Variants in SDAD1 observed in about 807,000 individuals in gnomAD.
The protein encoded by SDAD1 is protein SDA1 homolog.
In SDAD1, 79 loss-of-function variants were observed where a neutral mutation model predicts 100.3. That is an observed-to-expected ratio of 0.79 (90% CI 0.66 to 0.95). The LOEUF (loss-of-function observed/expected upper bound fraction) is 0.95, where lower values mean the gene tolerates loss of function less well. SDAD1 is among the 40% of genes least tolerant of loss of function. The probability of loss-of-function intolerance (pLI) is 0.00; values close to 1 mark genes in which losing one functional copy is unlikely to be tolerated. For missense variants in SDAD1, 790 were observed against 810.9 expected (o/e 0.97, Z 0.31); for synonymous variants, 267 against 271.4 (o/e 0.98, Z 0.16).
In SDAD1 at chr4:75,990,883, A is replaced by T. The variant is rs780257445; in HGVS notation, c.-42T>A. ...CTTCGCGGCGAGCAGTTTTAAAAAA[A>T]CTCAGACGGCCGGCACCCCGCAATC... is the stretch of plus-strand genomic sequence containing the variant. On this transcript the variant is annotated 5_prime_UTR_variant, in exon 1 of 22. Transcript: ENST00000356260. The T allele has an allele frequency of 1.9e-6, 3 of 1,613,052 alleles. No homozygotes were observed. The highest frequency in any genetic ancestry group is 8.5e-7 in the Non-Finnish European group (1 of 1,179,622).
intron 21 of SDAD1, among the ~76,000 whole-genome samples, chr4:75,951,172 C>A (rs1295929777): frequency 6.6e-6 from 1 of 152,100 alleles, no homozygotes; most frequent in Non-Finnish European, 1.5e-5. Flanking sequence ...TTAAAAGTAA[C>A]AGGAAAACAG....
intron 10 of SDAD1, among the ~76,000 whole-genome samples, chr4:75,969,841 C>A (rs1251004836): frequency 8.5e-5 from 13 of 152,140 alleles, no homozygotes; most frequent in African/African-American, 2.9e-4. Context: ...ACACCCCATA[C>A]CAACTAAATT....
At chr4:75,970,124 C>A (rs566193170) in intron 10 of SDAD1, among the ~76,000 whole-genome samples, 185 bp downstream of exon 10, 56 of 152,030 alleles carry the variant, frequency 3.7e-4, no homozygotes, top group African/African-American at 1.3e-3. Context: ...TCTTGTTCTG[C>A]GATAGACTGG....
chr4:75,968,463 T>C (rs534187811), intron 11 of SDAD1, among the ~76,000 whole-genome samples: 40 of 152,320 alleles, frequency 2.6e-4, no homozygotes, highest in Non-Finnish European at 3.5e-4. Flanking sequence ...AAAACCTTAA[T>C]GGTCATTTCT....
intron 14 of SDAD1, among the ~76,000 whole-genome samples, chr4:75,963,286 T>TACCAG (rs1553918463): frequency 1.7e-4 from 26 of 151,816 alleles, no homozygotes; most frequent in African/African-American, 3.4e-4. Flanking sequence ...GCTGTTTTGG[T>TACCAG]TACTGTAGCC....
intron 1 of SDAD1, among the ~76,000 whole-genome samples, chr4:75,984,970 A>C (rs1435373636): frequency 2.0e-5 from 3 of 152,140 alleles, no homozygotes; most frequent in Non-Finnish European, 2.9e-5. Flanking sequence ...GGCTTTTTCT[A>C]AGAACAGAAG....
rs1560536815 is a variant in SDAD1 at position 75,957,874 on chromosome 4, G to GTGT, written c.1548_1550dup (p.Gln516dup). ...TTTCTTGCTGTTCTTCATCGGAAGA[G>GTGT]TGTTGCACATCAATCCATTCACCAT... is the stretch of plus-strand genomic sequence containing the variant. On this transcript the variant is annotated inframe_insertion, in exon 18 of 22. Coordinates refer to ENST00000356260, the MANE Select transcript of SDAD1 (RefSeq NM_018115.4). The GTGT allele has an allele frequency of 6.2e-7, 1 of 1,613,866 alleles. No individual in the cohort carries two copies. Among genetic ancestry groups the GTGT allele is most frequent in the South Asian group, 1.1e-5 (1 of 91,066 alleles).
chr4:75,976,659 C>T lies in SDAD1; in HGVS notation c.406-664G>A, dbSNP rs376332575. On this transcript the variant is annotated intron_variant, in intron 4 of 21. Coordinates refer to ENST00000356260, the MANE Select transcript of SDAD1 (RefSeq NM_018115.4). ...ATTGTTTGCAGTGATGGTTGTACCA[C>T]GCTGTGAATACACTAAAAAACACTG... Among the ~76,000 whole-genome samples, 75 of 152,156 alleles carry T rather than the reference C, an allele frequency of 4.9e-4. 1 individual carries two copies. Among genetic ancestry groups the T allele is most frequent in the Admixed American group, 3.3e-3 (51 of 15,290 alleles).
At chr4:75,973,248 A>G in intron 8 of SDAD1, 69 bp downstream of exon 8, 1 of 1,278,242 alleles carries the variant, frequency 7.8e-7, no homozygotes, top group South Asian at 1.2e-5. Context: ...CAGCAGTCAT[A>G]GACTTTACAA....
intron 21 of SDAD1, among the ~76,000 whole-genome samples, chr4:75,954,335 T>C (rs1385393551): frequency 1.3e-5 from 2 of 150,508 alleles, no homozygotes; most frequent in Non-Finnish European, 3.0e-5. Flanking sequence ...TGAGCTGAGA[T>C]TGCGCCACTG....
intron 14 of SDAD1, among the ~76,000 whole-genome samples, chr4:75,962,063 G>A (rs1729270570): frequency 6.6e-6 from 1 of 151,974 alleles, no homozygotes; most frequent in Non-Finnish European, 1.5e-5. Flanking sequence ...GCCACCCCAC[G>A]ACAGGCCCCG....
chr4:75,989,016 A>T (rs544466146), intron 1 of SDAD1, among the ~76,000 whole-genome samples: 3 of 152,076 alleles, frequency 2.0e-5, no homozygotes, highest in South Asian at 2.1e-4. Flanking sequence ...GTAAATTCTT[A>T]AAAAAAATAT....
chr4:75,970,105 C>T (rs1729780324), intron 10 of SDAD1, among the ~76,000 whole-genome samples: 1 of 151,832 alleles, frequency 6.6e-6, no homozygotes, highest in Admixed American at 6.6e-5. Flanking sequence ...ATCCGTTTTT[C>T]CATATTTTTC....
chr4:75,958,970 C>T (rs900703125), intron 17 of SDAD1, among the ~76,000 whole-genome samples: 6 of 151,230 alleles, frequency 4.0e-5, no homozygotes, highest in Non-Finnish European at 7.4e-5. Flanking sequence ...TGGTGGCGGG[C>T]GCCTGTAGTC....
chr4:75,981,261 T>C, intron 3 of SDAD1, 111 bp downstream of exon 3: 1 of 972,328 alleles, frequency 1.0e-6, no homozygotes, highest in Non-Finnish European at 1.5e-6. Flanking sequence ...TAATACATTA[T>C]AATTTACGTT....
intron 6 of SDAD1, 106 bp downstream of exon 6, chr4:75,975,632 CATAAGT>C (rs1357476984): frequency 1.8e-5 from 12 of 659,284 alleles, no homozygotes; most frequent in Non-Finnish European, 2.9e-5. Flanking sequence ...AAATCTATGA[CATAAGT>C]ATATTAAAGA....
intron 16 of SDAD1, among the ~76,000 whole-genome samples, chr4:75,960,470 C>T (rs1729168939): frequency 6.6e-6 from 1 of 152,074 alleles, no homozygotes; most frequent in South Asian, 2.1e-4. Flanking sequence ...AAAGGGAGCA[C>T]TATAAAAAAT....
chr4:75,966,478 C>T (rs931929662), intron 12 of SDAD1, among the ~76,000 whole-genome samples: 21 of 152,034 alleles, frequency 1.4e-4, no homozygotes, highest in East Asian at 3.9e-4. Flanking sequence ...GACAAAATGA[C>T]GTATGTAAGG....
Position 75,950,506 on chromosome 4 carries a change from A to G in SDAD1, c.*244T>C, listed in dbSNP as rs1412666929. 19 of 439,362 alleles carry G rather than the reference A, an allele frequency of 4.3e-5. No homozygotes were observed. The allele number at this position is 439,362 out of a possible 1,614,324, so 27.2% of individuals were successfully genotyped here. A position where few individuals can be genotyped will look rare whatever the true frequency, so the allele number is the denominator to read the frequency against. ...CAGTGACAATGAATAGGCACTCAAT[A>G]CATACTTTTTTTTGCATGAATGATA... On this transcript the variant is annotated 3_prime_UTR_variant, in exon 22 of 22. Transcript: ENST00000356260.
Sources: allele counts gnomAD v4.1 joint callset (sites outside exome capture counted in the v4.1 genomes callset), GRCh38; gene constraint gnomAD v4.1.1; transcripts MANE v1.5; gene names NCBI Gene and HGNC (gene_info 2026-07-23, HGNC 2026-07-21).